The following TOP1MT variants were observed in gnomAD, a reference collection of about 807,000 sequenced individuals.
TOP1MT encodes the protein DNA topoisomerase I, mitochondrial.
TOP1MT carries 80 observed loss-of-function variants against 73.9 expected under a neutral mutation model. That is an observed-to-expected ratio of 1.08 (90% CI 0.90 to 1.30). TOP1MT has a LOEUF of 1.30. Among genes scored for constraint, TOP1MT ranks in the 50% most tolerant of loss-of-function variants. The pLI is 0.00. For synonymous variants in TOP1MT, 338 were observed against 326.4 expected, an observed-to-expected ratio of 1.04 and a Z score of -0.38; for missense variants, 815 against 808.0, an observed-to-expected ratio of 1.01 and a Z score of -0.10.
chr8:143,330,936 C>T (rs965176688), intron 2 of TOP1MT, among the ~76,000 whole-genome samples: 46 of 30,568 alleles, frequency 1.5e-3, no homozygotes, highest in African/African-American at 6.7e-3. Context: ...CACAGTGGTG[C>T]GGGGGGAGGG....
chr8:143,359,660 G>A (rs1817470760), upstream of TOP1MT, among the ~76,000 whole-genome samples: 2 of 151,770 alleles, frequency 1.3e-5, no homozygotes. Context: ...AACACTGAGG[G>A]GTGAAGCACA....
At chr8:143,313,333 C>T (rs189240066) in intron 12 of TOP1MT, among the ~76,000 whole-genome samples, 191 of 152,020 alleles carry the variant, frequency 1.3e-3, no homozygotes, top group African/African-American at 4.4e-3. Context: ...GGTGGATCAC[C>T]CGAGGTCAGG....
rs765109877 is a variant in TOP1MT, at chr8:143,334,820, C to T, written c.42G>A (p.Thr14=). Residue 14 remains threonine, a synonymous_variant, in exon 1 of 14, where the codon ACG becomes ACA. Transcript: ENST00000329245. ...GGCGGCGGGGGACCTCCCCGAGCAG[C>T]GTCAGAGCCGCCCGGAGCCGCAGCA... ...VRLLRLRAAL[T]LLGEVPRRPA... is the part of the protein sequence containing the mutation. 1 of 1,550,218 alleles carries T rather than the reference C, an allele frequency of 6.5e-7. No individual in the cohort carries two copies. Among genetic ancestry groups the T allele is most frequent in the Non-Finnish European group, 8.6e-7 (1 of 1,158,954 alleles).
intron 7 of TOP1MT, among the ~76,000 whole-genome samples, chr8:143,321,683 G>A (rs1301162597): frequency 1.1e-5 from 1 of 91,264 alleles, no homozygotes; most frequent in Admixed American, 1.3e-4. Context: ...ACACACGCAC[G>A]CCACGCACGC....
At chr8:143,328,455 T>C in intron 3 of TOP1MT, 1 of 368,328 alleles carries the variant, frequency 2.7e-6, no homozygotes, top group Non-Finnish European at 5.3e-6. Flanking sequence ...TTAATATCAC[T>C]TGTCATTAGG....
Position 143,329,484 on chromosome 8 carries a change from G to A in TOP1MT, c.239-13C>T, listed in dbSNP as rs1816794768. The stretch of plus-strand genomic sequence containing the variant: ...CTCACAGGCCTTCCTGCAGGCATCG[G>A]AAGACACATCGTATGAGAGAGCGGC... On this transcript the variant is annotated splice_polypyrimidine_tract_variant and intron_variant, in intron 2 of 13. Coordinates refer to ENST00000329245, the MANE Select transcript of TOP1MT (RefSeq NM_052963.3). The A allele has an allele frequency of 6.2e-7, 1 of 1,605,738 alleles. No individual in the cohort carries two copies. Among genetic ancestry groups the A allele is most frequent in the African/African-American group, 1.3e-5 (1 of 74,240 alleles).
Position 143,318,118 on chromosome 8 carries a change from GA to G in TOP1MT, c.1147-33del, listed in dbSNP as rs754013699. 17 of 1,604,838 alleles carry G rather than the reference GA, an allele frequency of 1.1e-5. No homozygotes were observed. The East Asian group carries it at 3.8e-4, about 36-fold the overall frequency. On this transcript the variant is annotated intron_variant, in intron 8 of 13. Transcript: ENST00000329245. ...GAGAAAGAAGGAATTTCAGAGGACAGAAAAAACCCGAATCCAGTGAGGACCT... is the reference window on the plus strand; with the variant it reads ...GAGAAAGAAGGAATTTCAGAGGACAGAAAAACCCGAATCCAGTGAGGACCT...
intron 7 of TOP1MT, among the ~76,000 whole-genome samples, chr8:143,321,594 C>CGCACGCCACACAG (rs1816372318): frequency 3.1e-5 from 2 of 64,816 alleles, no homozygotes; most frequent in Admixed American, 1.2e-4. Flanking sequence ...GCCACACGCA[C>CGCACGCCACACAG]GCACGCCACA....
At chr8:143,315,061 T>A (rs1456444772) in intron 12 of TOP1MT, among the ~76,000 whole-genome samples, 1 of 152,078 alleles carries the variant, frequency 6.6e-6, no homozygotes, top group Non-Finnish European at 1.5e-5. Context: ...GTAGCATCAG[T>A]GTCAAGGAAA....
chr8:143,309,571 A>G (rs772106890), intron 13 of TOP1MT, 28 bp from the exon 14 acceptor site: 15 of 1,611,960 alleles, frequency 9.3e-6, no homozygotes, highest in Non-Finnish European at 1.2e-5. Flanking sequence ...AGCCCAGGCA[A>G]GCAGGCAACT....
At chr8:143,351,519 G>C (rs1488933387) in intron 1 of TOP1MT, among the ~76,000 whole-genome samples, 2 of 151,736 alleles carry the variant, frequency 1.3e-5, no homozygotes, top group Non-Finnish European at 2.9e-5. Context: ...GGCGGAGCTT[G>C]TGGTGAGCCA....
In TOP1MT at chr8:143,324,465, C is replaced by G; in HGVS notation, c.816+20G>C. On this transcript the variant is annotated intron_variant, in intron 6 of 13. Transcript: ENST00000329245. ...GGGGACCTCCTGGGGAGGAAACACCCTGCCAAGCCCTGCGCTCACCTTCAG... is the reference window on the plus strand; with the variant it reads ...GGGGACCTCCTGGGGAGGAAACACCGTGCCAAGCCCTGCGCTCACCTTCAG... The G allele has an allele frequency of 6.2e-7, 1 of 1,613,670 alleles. No homozygotes were observed.
chr8:143,317,213 G>A (rs554527413), intron 10 of TOP1MT, among the ~76,000 whole-genome samples: 1 of 152,234 alleles, frequency 6.6e-6, no homozygotes, highest in Non-Finnish European at 1.5e-5. Flanking sequence ...TCACGGAGCA[G>A]GGGCAGCGCC....
intron 4 of TOP1MT, among the ~76,000 whole-genome samples, chr8:143,325,765 C>A (rs1381218539): frequency 6.6e-6 from 1 of 152,168 alleles, no homozygotes; most frequent in African/African-American, 2.4e-5. Flanking sequence ...CCGGCCCCTG[C>A]ACAGACTTCG....
chr8:143,309,601 G>A, intron 13 of TOP1MT, 58 bp from the exon 14 acceptor site: 1 of 1,606,068 alleles, frequency 6.2e-7, no homozygotes, highest in Non-Finnish European at 8.5e-7. Flanking sequence ...TGAAGGCCAG[G>A]TCAGGGTGCT....
chr8:143,350,642 C>G (rs1817305015), intron 1 of TOP1MT, among the ~76,000 whole-genome samples: 1 of 152,168 alleles, frequency 6.6e-6, no homozygotes, highest in Non-Finnish European at 1.5e-5. Context: ...CACTATCACA[C>G]TTCAAAAAAC....
rs374648009 is a variant in TOP1MT, at chr8:143,341,836, CT to C, written c.29+1383del. Among the ~76,000 whole-genome samples the C allele has an allele frequency of 6.3e-4, 93 of 147,320 alleles. No homozygotes were observed. Among genetic ancestry groups the C allele is most frequent in the African/African-American group, 2.3e-3 (84 of 36,854 alleles). On this transcript the variant is annotated intron_variant, in intron 2 of 5. Transcript: ENST00000518007. The surrounding 1 kb of genome is among the most constrained non-coding windows in gnomAD (Gnocchi z 4.1). ...TGCTTCCTTCTTCCTTCTTCTTCCT[CT>C]TCTTCCTCCTCCTCCTCCTTCCTCT...
chr8:143,327,490 G>C (rs1160472138), intron 3 of TOP1MT: 3 of 163,058 alleles, frequency 1.8e-5, no homozygotes, highest in Non-Finnish European at 4.0e-5. Context: ...TGTGGGATGG[G>C]GATGATCCGC....
chr8:143,329,066 A>G (rs1163950359), intron 3 of TOP1MT, among the ~76,000 whole-genome samples: 1 of 152,122 alleles, frequency 6.6e-6, no homozygotes, highest in Non-Finnish European at 1.5e-5. Flanking sequence ...AAGGACCACA[A>G]ATCGGCCTCC....
Sources: gnomAD v4.1 joint callset for allele counts (sites outside exome capture counted in the v4.1 genomes callset) on GRCh38, gnomAD v4.1.1 for gene constraint, Gnocchi (gnomAD v3.1) non-coding constraint, MANE v1.5 for transcripts, NCBI Gene and HGNC (gene_info 2026-07-23, HGNC 2026-07-21) for gene names.